The following CSGALNACT2 variants were observed in gnomAD, a reference collection of about 807,000 sequenced individuals.
CSGALNACT2 encodes the protein beta 4 GalNAcT-2.
Under a neutral mutation model 55.3 loss-of-function variants are expected in CSGALNACT2, and 35 were observed. The observed-to-expected ratio is 0.63, with a 90% CI of 0.48 to 0.84. The LOEUF (loss-of-function observed/expected upper bound fraction) is 0.84, where lower values mean the gene tolerates loss of function less well. Among genes scored for constraint, CSGALNACT2 ranks in the 40% least tolerant of loss-of-function variants. CSGALNACT2 has a pLI of 0.00. For synonymous variants in CSGALNACT2, 196 were observed against 224.9 expected (o/e 0.87, Z 1.15); for missense variants, 544 against 657.5 (o/e 0.83, Z 1.89).
Position 43,154,885 on chromosome 10 carries a change from T to C in CSGALNACT2, c.-253-12T>C. The C allele has an allele frequency of 2.4e-6, 1 of 423,462 alleles. No homozygotes were observed. Among genetic ancestry groups the C allele is most frequent in the Admixed American group, 4.1e-5 (1 of 24,620 alleles). 26.2% of individuals were successfully genotyped at this position (423,462 alleles called of 1,614,324 possible). Reference sequence around the variant, plus strand: ...AACAAAATTCTGATTGATTCTGATCTGTGTCTTTCAGAAAAATCACTACCA... The same window carrying C: ...AACAAAATTCTGATTGATTCTGATCCGTGTCTTTCAGAAAAATCACTACCA... On this transcript the variant is annotated splice_polypyrimidine_tract_variant and intron_variant, in intron 1 of 7. Coordinates refer to ENST00000374466, the MANE Select transcript of CSGALNACT2 (RefSeq NM_018590.5).
chr10:43,156,783 G>A (rs910482273), intron 2 of CSGALNACT2, among the ~76,000 whole-genome samples: 4 of 152,234 alleles, frequency 2.6e-5, no homozygotes, highest in Non-Finnish European at 4.4e-5. Context: ...CCACTGATCC[G>A]ACAGGAGGCG....
chr10:43,181,017 A>G (rs1839579450), intron 7 of CSGALNACT2, among the ~76,000 whole-genome samples: 1 of 152,120 alleles, frequency 6.6e-6, no homozygotes, highest in South Asian at 2.1e-4. Flanking sequence ...TAAAATGATT[A>G]CCTTTTCCCC....
intron 2 of CSGALNACT2, among the ~76,000 whole-genome samples, chr10:43,157,200 G>C (rs1017352757): frequency 6.6e-6 from 1 of 151,662 alleles, no homozygotes; most frequent in African/African-American, 2.4e-5. Context: ...AGCTGCGGAG[G>C]AAATAAGATA....
chr10:43,147,816 GAC>G (rs1473593317), intron 1 of CSGALNACT2, among the ~76,000 whole-genome samples: 2 of 124,838 alleles, frequency 1.6e-5, no homozygotes, highest in Admixed American at 8.9e-5. Context: ...TTTAAAGTAA[GAC>G]AGACAAATGA....
chr10:43,145,317 T>C (rs1746312102), intron 1 of CSGALNACT2, among the ~76,000 whole-genome samples: 1 of 152,162 alleles, frequency 6.6e-6, no homozygotes, highest in South Asian at 2.1e-4. Context: ...TATATTTATA[T>C]AGTTGCCTTG....
intron 6 of CSGALNACT2, among the ~76,000 whole-genome samples, chr10:43,167,489 C>T (rs1341031392): frequency 1.3e-5 from 2 of 152,046 alleles, no homozygotes; most frequent in African/African-American, 4.8e-5. Flanking sequence ...GGTAAATTAC[C>T]TGGAAAGTCA....
At chr10:43,165,508 G>T (rs981574439) in intron 5 of CSGALNACT2, among the ~76,000 whole-genome samples, 2 of 151,994 alleles carry the variant, frequency 1.3e-5, no homozygotes, top group Non-Finnish European at 2.9e-5. Context: ...ACATTGGGGT[G>T]GGGGGGTGCT....
chr10:43,149,538 G>A (rs892738253), intron 1 of CSGALNACT2, among the ~76,000 whole-genome samples: 1 of 152,072 alleles, frequency 6.6e-6, no homozygotes, highest in Non-Finnish European at 1.5e-5. Context: ...TGCAGTCCTG[G>A]GATAAATCTT....
chr10:43,146,103 G>A (rs1208734781), intron 1 of CSGALNACT2, among the ~76,000 whole-genome samples: 1 of 152,164 alleles, frequency 6.6e-6, no homozygotes, highest in Non-Finnish European at 1.5e-5. Context: ...AGTTTATTAA[G>A]GAGAATTGAC....
chr10:43,177,258 A>C (rs1839498352), intron 7 of CSGALNACT2, among the ~76,000 whole-genome samples: 1 of 152,112 alleles, frequency 6.6e-6, no homozygotes, highest in Non-Finnish European at 1.5e-5. Flanking sequence ...TGAGTTCCTT[A>C]TCTCTTTTTT....
chr10:43,145,581 T>A (rs2505511), intron 1 of CSGALNACT2, among the ~76,000 whole-genome samples: 119,098 of 151,916 alleles, frequency 0.78, 47,249 homozygotes, highest in African/African-American at 0.88. Context: ...GCTAATTTTT[T>A]AATTTCTTAT....
At chr10:43,156,684 A>G (rs1839015630) in intron 2 of CSGALNACT2, among the ~76,000 whole-genome samples, 1 of 152,252 alleles carries the variant, frequency 6.6e-6, no homozygotes, top group Non-Finnish European at 1.5e-5. Flanking sequence ...ATCTGGCATT[A>G]GTTAGATTCT....
In CSGALNACT2 at chr10:43,150,030, G is replaced by A. The variant is rs192818027; in HGVS notation, c.-253-4867G>A. On this transcript the variant is annotated intron_variant, in intron 1 of 7. Coordinates refer to ENST00000374466, the MANE Select transcript of CSGALNACT2 (RefSeq NM_018590.5). Reference sequence around the variant, plus strand: ...TGCGGTGAGCTGAGATCGCGCCATTGCACTCCAGCCTGGGCAACAAGAGCG... The same window carrying A: ...TGCGGTGAGCTGAGATCGCGCCATTACACTCCAGCCTGGGCAACAAGAGCG... Among the ~76,000 whole-genome samples the A allele has an allele frequency of 6.6e-5, 10 of 152,280 alleles. No individual in the cohort carries two copies. The East Asian group carries it at 1.9e-3, about 29-fold the overall frequency.
chr10:43,175,967 C>G lies in CSGALNACT2; in HGVS notation c.1271C>G (p.Ser424Cys). 1 of 1,602,772 alleles carries G rather than the reference C, an allele frequency of 6.2e-7. No individual in the cohort carries two copies. Among genetic ancestry groups the G allele is most frequent in the Non-Finnish European group, 8.5e-7 (1 of 1,176,864 alleles). The change falls in exon 7 of 8, where the codon TCT becomes TGT. Residue 424 changes from serine (S) to cysteine (C), a missense_variant. Physicochemically the swap from Ser to Cys is moderately radical, Grantham distance 112 (BLOSUM62 -1). This residue lies in a region of CSGALNACT2 where 170 missense variants were observed against 256.2 expected (regional missense o/e 0.66). Coordinates refer to ENST00000374466, the MANE Select transcript of CSGALNACT2 (RefSeq NM_018590.5). Reference protein sequence around the residue: ...VEQQLVHKKDSGFWRDFGFGM... With the variant: ...VEQQLVHKKDCGFWRDFGFGM... ...TTAACTAAGGTTCACAAAAAGGATTCTGGCTTTTGGCGAGATTTTGGCTTT... is the reference window on the plus strand; with the variant it reads ...TTAACTAAGGTTCACAAAAAGGATTGTGGCTTTTGGCGAGATTTTGGCTTT...
chr10:43,160,775 C>T (rs1446063027), intron 4 of CSGALNACT2, among the ~76,000 whole-genome samples, 180 bp downstream of exon 4: 1 of 152,062 alleles, frequency 6.6e-6, no homozygotes, highest in Non-Finnish European at 1.5e-5. Context: ...ACTCAACTTC[C>T]CTTCACTGCT....
At chr10:43,146,020 T>A (rs1376841317) in intron 1 of CSGALNACT2, among the ~76,000 whole-genome samples, 1 of 152,194 alleles carries the variant, frequency 6.6e-6, no homozygotes, top group African/African-American at 2.4e-5. Context: ...GATTTTTTTT[T>A]AATTAGCCAA....
intron 6 of CSGALNACT2, among the ~76,000 whole-genome samples, chr10:43,170,130 A>G (rs1263944078): frequency 2.0e-5 from 3 of 152,228 alleles, no homozygotes; most frequent in Admixed American, 1.3e-4. Flanking sequence ...TTATGTTGAC[A>G]TAATAAAAAG....
chr10:43,149,998 C>T lies in CSGALNACT2; in HGVS notation c.-253-4899C>T, dbSNP rs527937255. ...AGGAGAATCCCTTGAACGTGGGAGGCGGAGGTTGCGGTGAGCTGAGATCGC... is the reference window on the plus strand; with the variant it reads ...AGGAGAATCCCTTGAACGTGGGAGGTGGAGGTTGCGGTGAGCTGAGATCGC... On this transcript the variant is annotated intron_variant, in intron 1 of 7. Coordinates refer to ENST00000374466, the MANE Select transcript of CSGALNACT2 (RefSeq NM_018590.5). Among the ~76,000 whole-genome samples the T allele has an allele frequency of 6.6e-5, 10 of 152,210 alleles. No homozygotes were observed. The East Asian group carries it at 1.5e-3, about 23-fold the overall frequency.
rs530930650 is a variant in CSGALNACT2, at chr10:43,138,789, G to A, written c.-254+222G>A. On this transcript the variant is annotated intron_variant, in intron 1 of 7. Transcript: ENST00000374466. The stretch of plus-strand genomic sequence containing the variant: ...CGATTGGTTCGCTTGTCAGTGTTGG[G>A]TTTTGTTTTGTTTCGTTTTGTTTTT... Among the ~76,000 whole-genome samples, 8 of 152,288 alleles carry A rather than the reference G, an allele frequency of 5.3e-5. No individual in the cohort carries two copies. In the South Asian group the frequency reaches 1.7e-3, roughly 32 times the overall value.
Sources: gnomAD v4.1 joint callset for allele counts (sites outside exome capture counted in the v4.1 genomes callset) on GRCh38, gnomAD v4.1.1 for gene constraint, gnomAD v4.1.1 regional missense constraint, MANE v1.5 for transcripts, NCBI Gene and HGNC (gene_info 2026-07-23, HGNC 2026-07-21) for gene names.